ALKAL1: variants seen among roughly 807,000 people sequenced by gnomAD.
ALKAL1 encodes the protein ALK and LTK ligand 1, also known as AUG-beta.
A neutral mutation model predicts 13.5 loss-of-function variants in ALKAL1; 23 were observed. The ratio of observed to expected loss-of-function variants is 1.70; its 90% CI spans 1.23 to 2.41. The LOEUF is 2.41. Among genes scored for constraint, ALKAL1 ranks in the 30% most tolerant of loss-of-function variants. The pLI is 0.00. For missense variants in ALKAL1, 181 were observed against 178.4 expected (o/e 1.01, Z -0.08); for synonymous variants, 85 against 77.7 (o/e 1.09, Z -0.49).
rs560150370 is a variant in ALKAL1, at chr8:52,550,718, T to C, written c.191-8273A>G. Among the ~76,000 whole-genome samples the C allele has an allele frequency of 1.6e-3, 241 of 152,320 alleles. 2 individuals carry two copies. Among genetic ancestry groups the C allele is most frequent in the African/African-American group, 5.6e-3 (231 of 41,584 alleles). ...CAGCTCTGGTGGCTGCCAGCAATCC[T>C]TGGCATTCTTTGGCTTGTGGATGCT... On this transcript the variant is annotated intron_variant, in intron 1 of 4. Coordinates refer to ENST00000358543, the MANE Select transcript of ALKAL1 (RefSeq NM_207413.4).
At position 52,539,881 on chromosome 8, in the gene ALKAL1, T is replaced by C. The variant is rs765569766; in HGVS notation, c.275A>G (p.Lys92Arg). 2 of 1,613,792 alleles carry C rather than the reference T, an allele frequency of 1.2e-6. No homozygotes were observed. Among genetic ancestry groups the C allele is most frequent in the Admixed American group, 1.7e-5 (1 of 59,992 alleles). Reference sequence around the variant, plus strand: ...ATTGTAATAGAGTCGGTGGAAATGTTTGCTGCATTCTGGTGAAAATGTGAC... The same window carrying C: ...ATTGTAATAGAGTCGGTGGAAATGTCTGCTGCATTCTGGTGAAAATGTGAC... The part of the protein sequence containing the change: ...GPVTFSPECS[K>R]HFHRLYYNTR... Residue 92 changes from lysine (K) to arginine (R), a missense_variant, in exon 3 of 5, where the codon AAA (lysine) becomes AGA (arginine). Lys to Arg is a conservative substitution (Grantham distance 26). Transcript: ENST00000358543.
chr8:52,536,065 A>C (rs1222566547), intron 4 of ALKAL1, among the ~76,000 whole-genome samples: 1 of 152,158 alleles, frequency 6.6e-6, no homozygotes, highest in Non-Finnish European at 1.5e-5. Flanking sequence ...CAGCCTCCCA[A>C]GTAGCTGGGA....
chr8:52,546,088 C>T (rs1485784433), intron 1 of ALKAL1, among the ~76,000 whole-genome samples: 1 of 152,278 alleles, frequency 6.6e-6, no homozygotes, highest in East Asian at 1.9e-4. Flanking sequence ...AGTAAAAATA[C>T]AGTATTATAA....
chr8:52,555,588 C>T (rs1004462346), intron 1 of ALKAL1, among the ~76,000 whole-genome samples: 2 of 152,188 alleles, frequency 1.3e-5, no homozygotes, highest in African/African-American at 2.4e-5. Context: ...AGAGCCCACA[C>T]CTTCACCACC....
chr8:52,538,585 A>G (rs1227319283), intron 3 of ALKAL1, 78 bp from the exon 4 acceptor site: 15 of 899,104 alleles, frequency 1.7e-5, no homozygotes, highest in Non-Finnish European at 2.7e-5. Flanking sequence ...ATTGTCACTA[A>G]TTCATATAAC....
intron 1 of ALKAL1, among the ~76,000 whole-genome samples, chr8:52,548,279 A>T (rs1298174804): frequency 6.6e-6 from 1 of 152,148 alleles, no homozygotes; most frequent in Non-Finnish European, 1.5e-5. Flanking sequence ...TGAACCTAGG[A>T]GGCAGAGGTT....
At chr8:52,551,132 G>A (rs535578343) in intron 1 of ALKAL1, among the ~76,000 whole-genome samples, 1 of 152,092 alleles carries the variant, frequency 6.6e-6, no homozygotes, top group South Asian at 2.1e-4. Context: ...AAATTTCAAT[G>A]GGGCATAACT....
rs1847323213 is a variant in ALKAL1 at position 52,542,408 on chromosome 8, G to T, written c.228C>A (p.Phe76Leu). 6.5e-7 allele frequency: 1 copy of T among 1,547,208 alleles called. No homozygotes were observed. The highest frequency in any genetic ancestry group is 8.9e-7 in the Non-Finnish European group (1 of 1,127,022). The change falls in exon 2 of 5, where the codon TTC (phenylalanine) becomes TTA (leucine). Residue 76 changes from phenylalanine (F) to leucine (L), a missense_variant. Coordinates refer to ENST00000358543, the MANE Select transcript of ALKAL1 (RefSeq NM_207413.4). ...FPRDSNLKDKFIKHFTGPVTF... is the reference protein window; with the variant it reads ...FPRDSNLKDKLIKHFTGPVTF... ...TGTACTTACCTGTGAAATGCTTTATGAATTTGTCTTTTAAGTTAGAGTCTC... is the reference window on the plus strand; with the variant it reads ...TGTACTTACCTGTGAAATGCTTTATTAATTTGTCTTTTAAGTTAGAGTCTC...
chr8:52,565,195 G>T lies in ALKAL1; in HGVS notation c.62C>A (p.Ser21Tyr). 7.4e-7 allele frequency: 1 copy of T among 1,354,590 alleles called. No homozygotes were observed. Among genetic ancestry groups the T allele is most frequent in the Non-Finnish European group, 9.6e-7 (1 of 1,045,480 alleles). 83.9% of individuals were successfully genotyped at this position (1,354,590 alleles called of 1,614,324 possible). The change falls in exon 1 of 5, where the codon TCC becomes TAC. Residue 21 changes from serine (S) to tyrosine (Y), a missense_variant. Ser to Tyr is a moderately radical substitution (Grantham distance 144). Coordinates refer to ENST00000358543, the MANE Select transcript of ALKAL1 (RefSeq NM_207413.4). ...GGGCCTCCCGTGGGCTCCGTGCGGGGACAAAGCCAGCGCCAGCAGGAAGAG... is the reference window on the plus strand; with the variant it reads ...GGGCCTCCCGTGGGCTCCGTGCGGGTACAAAGCCAGCGCCAGCAGGAAGAG... Reference protein sequence around the residue: ...PALFLLALALSPHGAHGRPRG... With the variant: ...PALFLLALALYPHGAHGRPRG...
intron 1 of ALKAL1, among the ~76,000 whole-genome samples, chr8:52,555,907 T>C (rs1174013880): frequency 1.3e-5 from 2 of 152,184 alleles, no homozygotes; most frequent in East Asian, 3.9e-4. Flanking sequence ...TCCTTCATGA[T>C]AGTCATTTCC....
intron 1 of ALKAL1, among the ~76,000 whole-genome samples, chr8:52,546,351 A>C (rs1272027776): frequency 2.0e-5 from 3 of 152,244 alleles, no homozygotes; most frequent in African/African-American, 7.2e-5. Context: ...TTGCACAGAT[A>C]CTATGGCTCA....
At chr8:52,545,277 A>G (rs972730191) in intron 1 of ALKAL1, among the ~76,000 whole-genome samples, 8 of 152,168 alleles carry the variant, frequency 5.3e-5, no homozygotes, top group African/African-American at 1.4e-4. Context: ...TTTGCCCACA[A>G]GAAAATTCTT....
chr8:52,559,104 GT>G (rs1256928075), intron 1 of ALKAL1, among the ~76,000 whole-genome samples: 1 of 152,138 alleles, frequency 6.6e-6, no homozygotes, highest in Non-Finnish European at 1.5e-5. Context: ...GCATTAAACT[GT>G]TCCTGAGGGA....
chr8:52,537,029 C>G (rs553703469), intron 4 of ALKAL1, among the ~76,000 whole-genome samples: 2 of 152,222 alleles, frequency 1.3e-5, no homozygotes, highest in South Asian at 4.1e-4. Context: ...AGGCTATTAA[C>G]AGAGTGAAGA....
chr8:52,546,935 G>T (rs148421689), intron 1 of ALKAL1, among the ~76,000 whole-genome samples: 81 of 152,176 alleles, frequency 5.3e-4, no homozygotes, highest in Admixed American at 2.6e-4. Context: ...CCTTTCTAAA[G>T]AAAGTTTGCC....
At chr8:52,554,136 A>T (rs1010216565) in intron 1 of ALKAL1, among the ~76,000 whole-genome samples, 2 of 152,220 alleles carry the variant, frequency 1.3e-5, no homozygotes, top group African/African-American at 4.8e-5. Context: ...AGGCAGGGGA[A>T]TCGCTTGAAT....
intron 1 of ALKAL1, among the ~76,000 whole-genome samples, chr8:52,545,488 A>AC (rs147648991): frequency 5.1e-4 from 75 of 147,424 alleles, no homozygotes; most frequent in Non-Finnish European, 7.8e-4. Context: ...TTGACCTGGA[A>AC]CCCCCCCCAC....
intron 1 of ALKAL1, among the ~76,000 whole-genome samples, chr8:52,555,563 C>A (rs1847474426): frequency 6.6e-6 from 1 of 152,166 alleles, no homozygotes; most frequent in African/African-American, 2.4e-5. Flanking sequence ...CTTTCATTTA[C>A]AAAGCAGCCA....
rs28694761 is a variant in ALKAL1 at position 52,538,618 on chromosome 8, C to G, written c.326-111G>C. ...AACAATAACTACAGTTTAATAAATACCTACTATGTTAAGTGCTGAAAATGG... is the reference window on the plus strand; with the variant it reads ...AACAATAACTACAGTTTAATAAATAGCTACTATGTTAAGTGCTGAAAATGG... On this transcript the variant is annotated intron_variant, in intron 3 of 4. Transcript: ENST00000358543. 2,491 of 689,170 alleles carry G rather than the reference C, an allele frequency of 3.6e-3. 34 individuals carry two copies. The highest frequency in any genetic ancestry group is 0.03 in the African/African-American group (1,635 of 55,286). 42.7% of individuals were successfully genotyped at this position (689,170 alleles called of 1,614,324 possible).
Sources: allele counts gnomAD v4.1 joint callset (sites outside exome capture counted in the v4.1 genomes callset), GRCh38; gene constraint gnomAD v4.1.1; transcripts MANE v1.5; gene names NCBI Gene and HGNC (gene_info 2026-07-23, HGNC 2026-07-21).